Variants in ZNF710 observed in about 807,000 individuals in gnomAD.
The protein encoded by ZNF710 is zinc finger protein 710.
Under a neutral mutation model 50.6 loss-of-function variants are expected in ZNF710, and 13 were observed. The ratio of observed to expected loss-of-function variants is 0.26; its 90% CI spans 0.17 to 0.41. The LOEUF is 0.41. Ranked by LOEUF, ZNF710 falls within the 10% of genes least tolerant of loss-of-function variation. The pLI, the probability that ZNF710 is intolerant of heterozygous loss-of-function variation, is 1.00. For missense variants in ZNF710, 721 were observed against 936.6 expected (o/e 0.77, Z 3.01); for synonymous variants, 383 against 397.0 (o/e 0.96, Z 0.42).
chr15:90,009,153 T>A (rs142460883), intron 1 of ZNF710, among the ~76,000 whole-genome samples: 331 of 152,146 alleles, frequency 2.2e-3, no homozygotes, highest in Non-Finnish European at 3.8e-3. Context: ...CCCCATCCCG[T>A]TCTCGGTGGG....
In ZNF710 at chr15:90,074,527, C is replaced by G. The variant is rs192835317; in HGVS notation, c.1825+237C>G. On this transcript the variant is annotated intron_variant, in intron 4 of 4. Transcript: ENST00000268154. ...GTAAACAATATAATAAAAATCATAA[C>G]TAACATTTATTGAGTGCTAACTGTG... 5.4e-6 allele frequency: 8 copies of G among 1,473,606 alleles called. No individual in the cohort carries two copies. In the East Asian group the frequency reaches 2.3e-4, roughly 42 times the overall value. 91.3% of individuals were successfully genotyped at this position (1,473,606 alleles called of 1,614,324 possible).
In ZNF710 at chr15:90,054,402, C is replaced by G. The variant is rs181008899; in HGVS notation, c.-28-12708C>G. 3.3e-5 allele frequency among the ~76,000 whole-genome samples: 5 copies of G among 152,192 alleles called. No individual in the cohort carries two copies. The East Asian group carries it at 9.7e-4, about 29-fold the overall frequency. ...GGGCTCCCAGGTGTGAATTAGGCCC[C>G]GGTGTGGGAAAACAGGTTGGCAGGG... is the stretch of plus-strand genomic sequence containing the variant. On this transcript the variant is annotated intron_variant, in intron 1 of 4. Transcript: ENST00000268154.
At position 90,042,492 on chromosome 15, in the gene ZNF710, CTCAA is replaced by C. The variant is rs574521256; in HGVS notation, c.-28-24604_-28-24601del. Among the ~76,000 whole-genome samples, 243 of 152,232 alleles carry C rather than the reference CTCAA, an allele frequency of 1.6e-3. 1 individual carries two copies. The highest frequency in any genetic ancestry group is 5.6e-3 in the African/African-American group (232 of 41,532). On this transcript the variant is annotated intron_variant, in intron 1 of 4. Transcript: ENST00000268154. ...AGTAGATGAGTAAGGTTGAGACTCG[CTCAA>C]TCAATCAATCAATAAACCAATCAGT...
upstream of ZNF710, among the ~76,000 whole-genome samples, chr15:89,999,066 G>A (rs1221451377): frequency 6.6e-6 from 1 of 152,156 alleles, no homozygotes; most frequent in African/African-American, 2.4e-5. Flanking sequence ...ACAGTTCTAA[G>A]AACCTGTAAT....
chr15:90,061,900 G>A (rs1262598941), intron 1 of ZNF710, among the ~76,000 whole-genome samples: 3 of 152,198 alleles, frequency 2.0e-5, no homozygotes, highest in Admixed American at 6.5e-5. Context: ...GGGCAAAGCC[G>A]TAGGTGAAGT....
intron 1 of ZNF710, among the ~76,000 whole-genome samples, chr15:90,057,678 C>T (rs1188943617): frequency 8.0e-6 from 1 of 124,948 alleles, no homozygotes; most frequent in African/African-American, 4.0e-5. Flanking sequence ...GCCTGGGTTA[C>T]AGAGCAAGAC....
intron 1 of ZNF710, among the ~76,000 whole-genome samples, chr15:90,030,890 G>A (rs995039686): frequency 1.3e-5 from 2 of 151,722 alleles, no homozygotes; most frequent in Non-Finnish European, 2.9e-5. Flanking sequence ...ATGGTGGCGC[G>A]CGCCTGTAGT....
At chr15:90,033,593 G>T (rs975807723) in intron 1 of ZNF710, among the ~76,000 whole-genome samples, 1 of 152,146 alleles carries the variant, frequency 6.6e-6, no homozygotes, top group African/African-American at 2.4e-5. Context: ...TGTTGCCCAG[G>T]CTGGAGTGCA....
chr15:90,077,972 C>T (rs1466488415), intron 4 of ZNF710, among the ~76,000 whole-genome samples: 1 of 151,880 alleles, frequency 6.6e-6, no homozygotes, highest in Non-Finnish European at 1.5e-5. Flanking sequence ...CTTTGAGAGG[C>T]CGAGGCAGGC....
At chr15:90,074,042 G>C in intron 3 of ZNF710, 74 bp from the exon 4 acceptor site, 7 of 1,394,510 alleles carry the variant, frequency 5.0e-6, no homozygotes, top group Non-Finnish European at 6.8e-6. Flanking sequence ...CCCAGCCATA[G>C]AGGTGGGAGT....
At chr15:90,074,823 G>A in intron 4 of ZNF710, 1 of 316,474 alleles carries the variant, frequency 3.2e-6, no homozygotes, top group Non-Finnish European at 6.1e-6. Flanking sequence ...CACCATGGGA[G>A]GTCCTAAGCA....
intron 1 of ZNF710, among the ~76,000 whole-genome samples, chr15:90,035,186 T>C (rs1302363466): frequency 6.6e-6 from 1 of 152,214 alleles, no homozygotes; most frequent in East Asian, 1.9e-4. Context: ...CGTGGGGACC[T>C]GGCAACCACA....
intron 1 of ZNF710, among the ~76,000 whole-genome samples, chr15:90,048,013 G>A (rs1345219423): frequency 2.6e-5 from 4 of 152,240 alleles, no homozygotes; most frequent in Admixed American, 1.3e-4. Flanking sequence ...AAAACAGGGT[G>A]ATGGCACCAG....
chr15:90,018,135 C>A (rs1207810920), intron 1 of ZNF710, among the ~76,000 whole-genome samples: 4 of 151,882 alleles, frequency 2.6e-5, no homozygotes, highest in Admixed American at 1.3e-4. Flanking sequence ...ATTTCTCTTC[C>A]AAATCCCTGT....
upstream of ZNF710, among the ~76,000 whole-genome samples, chr15:89,998,735 G>A (rs1395850940): frequency 1.3e-5 from 2 of 152,164 alleles, no homozygotes; most frequent in Admixed American, 6.5e-5. Flanking sequence ...CTGTGAAGCA[G>A]GTATTTTTAT....
intron 1 of ZNF710, among the ~76,000 whole-genome samples, chr15:90,038,707 CTGTG>C (rs144152063): frequency 4.0e-4 from 57 of 143,654 alleles, no homozygotes; most frequent in East Asian, 3.8e-3. Flanking sequence ...CCTCCCTGCT[CTGTG>C]TGTGTGTGTG....
intron 2 of ZNF710, among the ~76,000 whole-genome samples, chr15:90,069,713 T>A (rs1047719594): frequency 1.3e-5 from 2 of 152,232 alleles, no homozygotes; most frequent in Admixed American, 6.5e-5. Context: ...CAGGTAGTTC[T>A]AGAATATGGC....
chr15:90,019,064 CA>C (rs1396271969), intron 1 of ZNF710, among the ~76,000 whole-genome samples: 1 of 149,466 alleles, frequency 6.7e-6, no homozygotes, highest in Non-Finnish European at 1.5e-5. Flanking sequence ...TATAAGTAGG[CA>C]AAAAAGATAA....
chr15:90,069,084 TGG>T (rs1292705542), intron 2 of ZNF710, among the ~76,000 whole-genome samples: 1 of 151,792 alleles, frequency 6.6e-6, no homozygotes, highest in Admixed American at 6.6e-5. Flanking sequence ...AAAAATTAGC[TGG>T]GTGTGGTGGT....
Sources: allele counts gnomAD v4.1 joint callset (sites outside exome capture counted in the v4.1 genomes callset), GRCh38; gene constraint gnomAD v4.1.1; transcripts MANE v1.5; gene names NCBI Gene and HGNC (gene_info 2026-07-23, HGNC 2026-07-21).